Variants in PTPRS observed in about 807,000 individuals in gnomAD.
The protein encoded by PTPRS is protein tyrosine phosphatase receptor type S.
Under a neutral mutation model 215.3 loss-of-function variants are expected in PTPRS, and 63 were observed. The observed-to-expected ratio is 0.29, with a 90% CI of 0.24 to 0.36. The LOEUF (loss-of-function observed/expected upper bound fraction) is 0.36, where lower values mean the gene tolerates loss of function less well. PTPRS is among the 10% of genes least tolerant of loss of function. PTPRS has a pLI of 1.00. For missense variants in PTPRS, 2,258 were observed against 2,825.8 expected (o/e 0.80, Z 4.56); for synonymous variants, 1,404 against 1,191.4 (o/e 1.18, Z -3.68).
At chr19:5,260,721 TG>T in intron 7 of PTPRS, 83 bp downstream of exon 7, 1 of 1,550,230 alleles carries the variant, frequency 6.5e-7, no homozygotes. Flanking sequence ...GAAGGGGGCC[TG>T]GGGGCAGGCC....
At position 5,264,998 on chromosome 19, in the gene PTPRS, C is replaced by T. The variant is rs374646235; in HGVS notation, c.568+10G>A. 65 of 1,613,274 alleles carry T rather than the reference C, an allele frequency of 4.0e-5. 1 individual carries two copies. The highest frequency in any genetic ancestry group is 1.3e-4 in the Admixed American group (8 of 59,884). Reference sequence around the variant, plus strand: ...AAGGCTCCCACGTCCTGTCAGCCACCCTCACTCACCTGATCGCAGCTGTTT... The same window carrying T: ...AAGGCTCCCACGTCCTGTCAGCCACTCTCACTCACCTGATCGCAGCTGTTT... On this transcript the variant is annotated intron_variant, in intron 5 of 37. Coordinates refer to ENST00000262963, the MANE Select transcript of PTPRS (RefSeq NM_002850.4).
In PTPRS at chr19:5,286,410, T is replaced by C. The variant is rs547024856; in HGVS notation, c.-94-176A>G. The C allele has an allele frequency of 2.8e-4, 134 of 486,890 alleles. 1 individual carries two copies. The highest frequency in any genetic ancestry group is 2.4e-3 in the African/African-American group (122 of 51,534). 30.2% of individuals were successfully genotyped at this position (486,890 alleles called of 1,614,324 possible). ...GAATGAAAGTGCTGGGCCCTTGCTA[T>C]AGAATTAAGGTGTCTCCCCCACAAA... On this transcript the variant is annotated intron_variant, in intron 1 of 37. Coordinates refer to ENST00000262963, the MANE Select transcript of PTPRS (RefSeq NM_002850.4).
intron 1 of PTPRS, among the ~76,000 whole-genome samples, chr19:5,324,701 C>A (rs760793387): frequency 6.6e-6 from 1 of 152,204 alleles, no homozygotes; most frequent in Non-Finnish European, 1.5e-5. Flanking sequence ...CCTCTCTGAG[C>A]CTCGGTTTCC....
chr19:5,286,494 G>C (rs2048362814), intron 1 of PTPRS: 2 of 303,306 alleles, frequency 6.6e-6, no homozygotes, highest in Admixed American at 4.1e-5. Flanking sequence ...GAGTGTTTGG[G>C]AAGTGACTAG....
At chr19:5,258,252 G>A (rs2045728138) in intron 7 of PTPRS, 125 bp from the exon 8 acceptor site, 1 of 775,804 alleles carries the variant, frequency 1.3e-6, no homozygotes, top group Admixed American at 2.4e-5. Context: ...AGGCAGATAA[G>A]AGGTGAGAAA....
Position 5,211,733 on chromosome 19 carries a change from G to A in PTPRS, c.5091C>T (p.Phe1697=), listed in dbSNP as rs770378258. The A allele has an allele frequency of 1.9e-6, 3 of 1,614,040 alleles. No homozygotes were observed. The highest frequency in any genetic ancestry group is 3.3e-5 in the Admixed American group (2 of 60,028). ...LANSKAHTSR[F]ISANLPCNKF... ...TGTTACAAGGCAGATTGGCACTGAT[G>A]AAGCGTGACGTGTGGGCCTTGGAGT... The change falls in exon 33 of 38, where the codon TTC becomes TTT. Residue 1697 remains phenylalanine (F), a synonymous_variant. Transcript: ENST00000262963.
rs777407065 is a variant in PTPRS, at chr19:5,210,988, A to C, written c.5235-183T>G. ...TGGTGATCCCATTTTGCATGTGGGG[A>C]AACCACCAGTCTCATGACAAATTCA... is the stretch of plus-strand genomic sequence containing the variant. On this transcript the variant is annotated intron_variant, in intron 33 of 37. Transcript: ENST00000262963. This position sits in a 1 kb window ranked among gnomAD's most constrained non-coding sequence, Gnocchi z 4.5. Among the ~76,000 whole-genome samples the C allele has an allele frequency of 6.6e-6, 1 of 152,200 alleles. No individual in the cohort carries two copies. Among genetic ancestry groups the C allele is most frequent in the Non-Finnish European group, 1.5e-5 (1 of 68,026 alleles).
chr19:5,225,965 G>A, intron 16 of PTPRS, 121 bp from the exon 17 acceptor site: 2 of 773,616 alleles, frequency 2.6e-6, no homozygotes, highest in Non-Finnish European at 2.2e-6. Flanking sequence ...GTGGAGACGT[G>A]CACATGAGCT....
At chr19:5,258,569 A>T (rs765971679) in intron 7 of PTPRS, among the ~76,000 whole-genome samples, 1 of 152,240 alleles carries the variant, frequency 6.6e-6, no homozygotes, top group Non-Finnish European at 1.5e-5. Context: ...GTGAAAATTC[A>T]GGGAGCTGGT....
At position 5,210,869 on chromosome 19, in the gene PTPRS, G is replaced by A; in HGVS notation, c.5235-64C>T. ...AGACCCGGCGTGGTACTCACCTGAT[G>A]CTGCCCGGGAGGGTCAGGACCAAGC... On this transcript the variant is annotated intron_variant, in intron 33 of 37. Coordinates refer to ENST00000262963, the MANE Select transcript of PTPRS (RefSeq NM_002850.4). The surrounding 1 kb of genome is among the most constrained non-coding windows in gnomAD (Gnocchi z 4.5). The A allele has an allele frequency of 6.4e-7, 1 of 1,570,502 alleles. No homozygotes were observed. Among genetic ancestry groups the A allele is most frequent in the Non-Finnish European group, 8.6e-7 (1 of 1,162,720 alleles).
intron 9 of PTPRS, among the ~76,000 whole-genome samples, chr19:5,255,250 C>T (rs1216392344): frequency 3.3e-5 from 5 of 152,232 alleles, no homozygotes; most frequent in Non-Finnish European, 7.3e-5. Context: ...ACACACCCCA[C>T]CCATGTTCTG....
Position 5,225,767 on chromosome 19 carries a change from G to A in PTPRS, c.2454C>T (p.Gly818=), listed in dbSNP as rs751362668. 6.8e-6 allele frequency: 11 copies of A among 1,613,942 alleles called. No individual in the cohort carries two copies. The East Asian group carries it at 8.9e-5, about 13-fold the overall frequency. ...TVAAYTMKGD[G]ARSKPKVVVT... The stretch of plus-strand genomic sequence containing the variant: ...CAACCACCTTGGGTTTGCTGCGAGC[G>A]CCATCGCCCTTCATGGTGTAGGCGG... The change falls in exon 17 of 38, where the codon GGC becomes GGT. Residue 818 remains glycine (G), a synonymous_variant. Coordinates refer to ENST00000262963, the MANE Select transcript of PTPRS (RefSeq NM_002850.4).
rs2047094921 is a variant in PTPRS, at chr19:5,273,484, C to T, written c.337G>A (p.Val113Ile). The T allele has an allele frequency of 6.2e-7, 1 of 1,614,094 alleles. No homozygotes were observed. The highest frequency in any genetic ancestry group is 8.5e-7 in the Non-Finnish European group (1 of 1,180,044). Reference sequence around the variant, plus strand: ...TTGGCATGGACTGTGATCTCCCCAACCGAGTTCTGGGCCACACACTCGTAC... The same window carrying T: ...TTGGCATGGACTGTGATCTCCCCAATCGAGTTCTGGGCCACACACTCGTAC... ...NVYECVAQNS[V>I]GEITVHAKLT... The change falls in exon 4 of 38, where the codon GTT (valine) becomes ATT (isoleucine). Residue 113 changes from valine (V) to isoleucine (I), a missense_variant. By Grantham distance (29) the Val-to-Ile change is conservative. Coordinates refer to ENST00000262963, the MANE Select transcript of PTPRS (RefSeq NM_002850.4).
Position 5,214,608 on chromosome 19 carries a change from G to C in PTPRS, c.4447C>G (p.Arg1483Gly). 6.2e-7 allele frequency: 1 copy of C among 1,612,740 alleles called. No homozygotes were observed. Among genetic ancestry groups the C allele is most frequent in the Non-Finnish European group, 8.5e-7 (1 of 1,179,472 alleles). ...GTCATCATGACGATGGTCGCCGACC[G>C]CTGCTCCCACACCATACGCCAGAAG... ...GDFWRMVWEQ[R>G]SATIVMMTRL... The change falls in exon 29 of 38, where the codon CGG (arginine) becomes GGG (glycine). Residue 1483 changes from arginine (R) to glycine (G), a missense_variant. Physicochemically the swap from Arg to Gly is moderately radical, Grantham distance 125. Coordinates refer to ENST00000262963, the MANE Select transcript of PTPRS (RefSeq NM_002850.4).
chr19:5,277,956 C>T (rs931827616), intron 2 of PTPRS: 55 of 1,498,248 alleles, frequency 3.7e-5, no homozygotes, highest in African/African-American at 2.5e-4. Flanking sequence ...CAGTGGCTTC[C>T]GGAAGTTCCT....
At chr19:5,259,174 CA>C (rs1182034433) in intron 7 of PTPRS, among the ~76,000 whole-genome samples, 1 of 152,086 alleles carries the variant, frequency 6.6e-6, no homozygotes, top group Non-Finnish European at 1.5e-5. Context: ...AAGAAGAGGG[CA>C]ATTTTTCAAG....
chr19:5,316,668 C>T (rs968078083), intron 1 of PTPRS, among the ~76,000 whole-genome samples: 9 of 152,212 alleles, frequency 5.9e-5, no homozygotes, highest in South Asian at 4.1e-4. Context: ...GCTGGGATTA[C>T]AGGCATGAGC....
rs746262412 is a variant in PTPRS, at chr19:5,206,748, T to G, written c.*26A>C. The stretch of plus-strand genomic sequence containing the variant: ...GGGCAGAGGCATCCGGGGCCAGTGG[T>G]GTCGGGCCTGGGGGGAACCATGGCT... On this transcript the variant is annotated 3_prime_UTR_variant, in exon 38 of 38. Coordinates refer to ENST00000262963, the MANE Select transcript of PTPRS (RefSeq NM_002850.4). 1 of 1,607,368 alleles carries G rather than the reference T, an allele frequency of 6.2e-7. No homozygotes were observed. The highest frequency in any genetic ancestry group is 1.1e-5 in the South Asian group (1 of 90,920).
chr19:5,239,098 G>T lies in PTPRS; in HGVS notation c.1705-35C>A, dbSNP rs1243236815. The T allele has an allele frequency of 2.6e-6, 4 of 1,555,080 alleles. No individual in the cohort carries two copies. In the South Asian group the frequency reaches 3.4e-5, roughly 13 times the overall value. ...GGGCAGAGAAGGACAGAGAGGGATG[G>T]GGGAGAGAGAGAGAGAGACAGAAAC... On this transcript the variant is annotated intron_variant, in intron 12 of 37. Coordinates refer to ENST00000262963, the MANE Select transcript of PTPRS (RefSeq NM_002850.4).
Sources: allele counts gnomAD v4.1 joint callset (sites outside exome capture counted in the v4.1 genomes callset), GRCh38; gene constraint gnomAD v4.1.1; non-coding constraint Gnocchi (gnomAD v3.1); transcripts MANE v1.5; gene names NCBI Gene and HGNC (gene_info 2026-07-23, HGNC 2026-07-21).